Variants in DMD observed in about 807,000 individuals in gnomAD.
DMD encodes the protein dystrophin.
Under a neutral mutation model 330.1 loss-of-function variants are expected in DMD, and 63 were observed. That is an observed-to-expected ratio of 0.19 (90% CI 0.16 to 0.24). The LOEUF (loss-of-function observed/expected upper bound fraction) is 0.24, where lower values mean the gene tolerates loss of function less well. Ranked by LOEUF, DMD falls within the 10% of genes least tolerant of loss-of-function variation. The pLI is 1.00. For synonymous variants in DMD, 1,223 were observed against 959.8 expected, an observed-to-expected ratio of 1.27 and a Z score of -5.07; for missense variants, 3,344 against 2,684.1, an observed-to-expected ratio of 1.25 and a Z score of -5.43.
intron 43 of DMD, among the ~76,000 whole-genome samples, chrX:32,252,869 AATATATAAAAATATATAT>A (rs1325052189): frequency 3.3e-4 from 23 of 70,148 alleles, no homozygotes; most frequent in African/African-American, 1.3e-3. Flanking sequence ...TAAATATATA[AATATATAAAAATATATAT>A]AAATATATAT....
chrX:32,059,240 TA>T (rs976971501), intron 44 of DMD, among the ~76,000 whole-genome samples: 2 of 111,263 alleles, frequency 1.8e-5, no homozygotes, highest in African/African-American at 6.5e-5. Context: ...TGGATTTCAT[TA>T]AAAAAATAAA....
chrX:32,632,245 T>C (rs973579961), intron 11 of DMD, among the ~76,000 whole-genome samples: 1 of 111,836 alleles, frequency 8.9e-6, no homozygotes, highest in Admixed American at 9.4e-5. Flanking sequence ...ACATCCAGGG[T>C]AAACTGGTGG....
chrX:33,015,847 T>G (rs1050593634), intron 2 of DMD, among the ~76,000 whole-genome samples: 2 of 111,418 alleles, frequency 1.8e-5, no homozygotes. Flanking sequence ...ATTTTTAATG[T>G]GGACATATAT....
intron 52 of DMD, among the ~76,000 whole-genome samples, chrX:31,721,685 ACTCTCTCT>A (rs767300805): frequency 1.8e-4 from 7 of 39,590 alleles, no homozygotes; most frequent in East Asian, 7.5e-4. Context: ...TCTCTCTCTC[ACTCTCTCT>A]CTCTCTCTCT....
chrX:32,709,749 A>G (rs1224216068), intron 7 of DMD, among the ~76,000 whole-genome samples: 1 of 111,665 alleles, frequency 9.0e-6, no homozygotes, highest in East Asian at 2.8e-4. Flanking sequence ...CCATTTAAAG[A>G]AGCCCAACCC....
intron 29 of DMD, among the ~76,000 whole-genome samples, chrX:32,417,475 C>A (rs1331964675): frequency 9.0e-6 from 1 of 111,331 alleles, no homozygotes; most frequent in Non-Finnish European, 1.9e-5. Context: ...TAATTACCAA[C>A]TCTGCTTCTG....
At chrX:32,779,400 T>G (rs987267568) in intron 7 of DMD, among the ~76,000 whole-genome samples, 4 of 110,851 alleles carry the variant, frequency 3.6e-5, no homozygotes, top group Non-Finnish European at 5.7e-5. Flanking sequence ...TTGTCGCACA[T>G]TCCCTTTTTC....
At chrX:32,782,812 C>T (rs373320602) in intron 7 of DMD, among the ~76,000 whole-genome samples, 13 of 108,695 alleles carry the variant, frequency 1.2e-4, no homozygotes, top group African/African-American at 3.7e-4. Flanking sequence ...ATTCTCATGA[C>T]GTGCTTATTC....
chrX:32,493,954 T>C (rs772717349), intron 19 of DMD, among the ~76,000 whole-genome samples: 5 of 111,504 alleles, frequency 4.5e-5, no homozygotes, highest in Non-Finnish European at 3.8e-5. Context: ...CTGGATTGAG[T>C]CTTATTCAAC....
At chrX:32,902,235 A>G (rs2086330670) in intron 2 of DMD, among the ~76,000 whole-genome samples, 1 of 108,297 alleles carries the variant, frequency 9.2e-6, no homozygotes. Flanking sequence ...CTCAGAAAAA[A>G]TTTTCAGGTA....
intron 41 of DMD, among the ~76,000 whole-genome samples, chrX:32,319,894 C>T (rs371696888): frequency 1.8e-5 from 2 of 110,310 alleles, no homozygotes; most frequent in African/African-American, 6.6e-5. Flanking sequence ...TAAAAGTTTT[C>T]GTTTACATAT....
In DMD at chrX:32,981,244, C is replaced by G. The variant is rs951769326; in HGVS notation, c.93+38895G>C. Among the ~76,000 whole-genome samples, 7 of 111,865 alleles carry G rather than the reference C, an allele frequency of 6.3e-5. No homozygotes were observed. The South Asian group carries it at 2.6e-3, about 42-fold the overall frequency. ...CTTATTCAAACTTCTTGCTAATTAT[C>G]ATCACAAGCCGCTATTTCTGTCATT... On this transcript the variant is annotated intron_variant, in intron 2 of 78. Coordinates refer to ENST00000357033, the MANE Select transcript of DMD (RefSeq NM_004006.3).
intron 44 of DMD, among the ~76,000 whole-genome samples, chrX:31,988,486 A>C (rs1247202344): frequency 1.4e-4 from 15 of 105,230 alleles, no homozygotes; most frequent in African/African-American, 5.1e-4. Flanking sequence ...AAAAAAAAAA[A>C]AAAAAAAAAA....
At chrX:31,669,353 C>T (rs1430788317) in intron 53 of DMD, among the ~76,000 whole-genome samples, 1 of 112,065 alleles carries the variant, frequency 8.9e-6, no homozygotes, top group African/African-American at 3.2e-5. Context: ...TGCATTTCCC[C>T]AATGATTAGT....
At chrX:32,907,477 G>A (rs751567469) in intron 2 of DMD, among the ~76,000 whole-genome samples, 7 of 111,639 alleles carry the variant, frequency 6.3e-5, no homozygotes, top group African/African-American at 2.3e-4. Context: ...AGTTCTACGA[G>A]GAAATAAGAA....
intron 7 of DMD, among the ~76,000 whole-genome samples, chrX:32,807,588 G>A (rs1232241500): frequency 9.0e-6 from 1 of 111,598 alleles, no homozygotes; most frequent in Non-Finnish European, 1.9e-5. Context: ...GAGAGCATAT[G>A]GAGTTAGGTA....
chrX:32,321,338 G>C (rs1263237974), intron 41 of DMD, among the ~76,000 whole-genome samples: 1 of 111,474 alleles, frequency 9.0e-6, no homozygotes, highest in African/African-American at 3.3e-5. Flanking sequence ...TGCAGGTGAA[G>C]AGAGAATGAT....
intron 44 of DMD, among the ~76,000 whole-genome samples, chrX:32,136,474 G>A (rs2096725392): frequency 8.9e-6 from 1 of 111,951 alleles, no homozygotes; most frequent in Admixed American, 9.5e-5. Flanking sequence ...TCCATTCCTG[G>A]CAGCCGAAGT....
chrX:32,157,819 C>A (rs1304575808), intron 44 of DMD, among the ~76,000 whole-genome samples: 1 of 111,919 alleles, frequency 8.9e-6, no homozygotes, highest in Non-Finnish European at 1.9e-5. Flanking sequence ...ATGGAGGTTA[C>A]CAGACATTCC....
Sources: allele counts gnomAD v4.1 joint callset (sites outside exome capture counted in the v4.1 genomes callset), GRCh38; gene constraint gnomAD v4.1.1; transcripts MANE v1.5; gene names NCBI Gene and HGNC (gene_info 2026-07-23, HGNC 2026-07-21).